VASN: variants seen among roughly 807,000 people sequenced by gnomAD.
VASN encodes the protein protein slit-like 2.
A neutral mutation model predicts 4.8 loss-of-function variants in VASN; 5 were observed. That is an observed-to-expected ratio of 1.03 (90% confidence interval 0.54 to 2.17). The LOEUF is 2.17. Ranked by LOEUF, VASN falls within the 30% of genes most tolerant of loss-of-function variation. The pLI, the probability that VASN is intolerant of heterozygous loss-of-function variation, is 0.01. For missense variants in VASN, 927 were observed against 948.8 expected (o/e 0.98, Z 0.30); for synonymous variants, 499 against 460.8 (o/e 1.08, Z -1.06).
chr16:4,376,786 G>A (rs1245301924), intron 1 of VASN, among the ~76,000 whole-genome samples: 5 of 152,106 alleles, frequency 3.3e-5, no homozygotes, highest in African/African-American at 9.7e-5. Flanking sequence ...CACCCACCAC[G>A]TGCCCCCTTC....
intron 1 of VASN, among the ~76,000 whole-genome samples, chr16:4,378,231 T>C (rs1015560242): frequency 6.6e-6 from 1 of 152,176 alleles, no homozygotes; most frequent in South Asian, 2.1e-4. Flanking sequence ...AAAGTCACTG[T>C]CTGCGGCCTC....
At chr16:4,379,435 C>T (rs1162161303) in intron 1 of VASN, among the ~76,000 whole-genome samples, 1 of 152,034 alleles carries the variant, frequency 6.6e-6, no homozygotes, top group Non-Finnish European at 1.5e-5. Context: ...GAGCCTGGAG[C>T]GGCTGGTGGG....
chr16:4,380,479 C>G (rs2054918087), intron 1 of VASN, among the ~76,000 whole-genome samples: 1 of 152,262 alleles, frequency 6.6e-6, no homozygotes, highest in African/African-American at 2.4e-5. Context: ...CTGCCTGCCC[C>G]CTCTTCCAGA....
chr16:4,374,091 G>A (rs1416711552), intron 1 of VASN, among the ~76,000 whole-genome samples: 2 of 151,718 alleles, frequency 1.3e-5, no homozygotes, highest in Non-Finnish European at 2.9e-5. Context: ...GTGCACGTGT[G>A]TGTGTGTGTG....
Position 4,381,730 on chromosome 16 carries a change from GGCCTCTTCCCCC to G in VASN, c.858_869del (p.Phe287_Leu290del), listed in dbSNP as rs1195387381. ...GCAGGCCCTGCCTGGCGACCTCTCG[GGCCTCTTCCCCC>G]GCCTGCGGCTGCTGGCAGCTGCCCG... is the stretch of plus-strand genomic sequence containing the variant. On this transcript the variant is annotated inframe_deletion, in exon 2 of 2. Coordinates refer to ENST00000304735, the MANE Select transcript of VASN (RefSeq NM_138440.3). 1 of 1,605,900 alleles carries G rather than the reference GGCCTCTTCCCCC, an allele frequency of 6.2e-7. No individual in the cohort carries two copies.
chr16:4,372,796 C>T (rs1342890012), intron 1 of VASN, among the ~76,000 whole-genome samples: 5 of 152,186 alleles, frequency 3.3e-5, no homozygotes, highest in South Asian at 2.1e-4. Context: ...GGTCACTGAC[C>T]GCCTCCCCTG....
chr16:4,379,784 T>G (rs2054883009), intron 1 of VASN, among the ~76,000 whole-genome samples: 1 of 150,968 alleles, frequency 6.6e-6, no homozygotes, highest in Non-Finnish European at 1.5e-5. Flanking sequence ...GGCTCATGCC[T>G]GTAATCCCAG....
Position 4,381,806 on chromosome 16 carries a change from G to A in VASN, c.929G>A (p.Gly310Asp). 6.2e-7 allele frequency: 1 copy of A among 1,600,408 alleles called. No homozygotes were observed. ...TGCGTGTGCCCCCTGAGCTGGTTTG[G>A]CCCCTGGGTGCGCGAGAGCCACGTC... is the stretch of plus-strand genomic sequence containing the variant. ...FNCVCPLSWF[G>D]PWVRESHVTL... is the part of the protein sequence containing the mutation. Residue 310 changes from glycine (G) to aspartate (D), a missense_variant, in exon 2 of 2, where the codon GGC becomes GAC. Transcript: ENST00000304735.
intron 1 of VASN, among the ~76,000 whole-genome samples, chr16:4,380,619 T>C (rs1160052997): frequency 1.3e-5 from 2 of 152,104 alleles, no homozygotes; most frequent in Admixed American, 6.5e-5. Context: ...AAGCAGTGCA[T>C]GGTCACTGCA....
chr16:4,381,469 C>A lies in VASN; in HGVS notation c.592C>A (p.Arg198=). Residue 198 remains arginine (R), a synonymous_variant, in exon 2 of 2, where the codon CGG becomes AGG. Transcript: ENST00000304735. The part of the protein sequence containing the change: ...ILDTANVEAL[R]LAGLGLQQLD... ...GGACACTGCCAACGTGGAGGCGCTG[C>A]GGCTGGCTGGTCTGGGGCTGCAGCA... 1 of 1,581,348 alleles carries A rather than the reference C, an allele frequency of 6.3e-7. No homozygotes were observed. Among genetic ancestry groups the A allele is most frequent in the Non-Finnish European group, 8.6e-7 (1 of 1,165,470 alleles).
chr16:4,373,187 G>T (rs1172843717), intron 1 of VASN, among the ~76,000 whole-genome samples: 1 of 152,148 alleles, frequency 6.6e-6, no homozygotes, highest in Non-Finnish European at 1.5e-5. Context: ...TCTTCTCCCA[G>T]GGGAGTTGGC....
At position 4,381,948 on chromosome 16, in the gene VASN, A is replaced by C; in HGVS notation, c.1071A>C (p.Thr357=). ...FGCPATTTTA[T]VPTTRPVVRE... ...GCCCAGCCACCACCACCACAGCCACAGTGCCCACCACGAGGCCCGTGGTGC... is the reference window on the plus strand; with the variant it reads ...GCCCAGCCACCACCACCACAGCCACCGTGCCCACCACGAGGCCCGTGGTGC... Residue 357 remains threonine (T), a synonymous_variant, in exon 2 of 2, where the codon ACA becomes ACC. Coordinates refer to ENST00000304735, the MANE Select transcript of VASN (RefSeq NM_138440.3). 6.2e-7 allele frequency: 1 copy of C among 1,608,490 alleles called. No homozygotes were observed. Among genetic ancestry groups the C allele is most frequent in the South Asian group, 1.1e-5 (1 of 90,702 alleles).
intron 1 of VASN, among the ~76,000 whole-genome samples, chr16:4,372,553 G>A (rs1159013102): frequency 2.0e-5 from 3 of 152,210 alleles, no homozygotes; most frequent in Non-Finnish European, 4.4e-5. Context: ...TACTGGCCAG[G>A]GCCCTTAGAG....
intron 1 of VASN, among the ~76,000 whole-genome samples, chr16:4,375,875 C>T (rs954585696): frequency 2.0e-5 from 3 of 152,170 alleles, no homozygotes; most frequent in Admixed American, 6.5e-5. Flanking sequence ...ATGTGCAGCC[C>T]GGCGGGCAAA....
Position 4,381,616 on chromosome 16 carries a change from G to A in VASN, c.739G>A (p.Ala247Thr). Residue 247 changes from alanine to threonine, a missense_variant, in exon 2 of 2, where the codon GCC becomes ACC. Coordinates refer to ENST00000304735, the MANE Select transcript of VASN (RefSeq NM_138440.3). Reference protein sequence around the residue: ...GLRGLTRLRLAGNTRIAQLRP... With the variant: ...GLRGLTRLRLTGNTRIAQLRP... ...CCGGGGCCTGACGCGCCTGCGGCTG[G>A]CCGGCAACACCCGCATTGCCCAGCT... 1 of 1,598,180 alleles carries A rather than the reference G, an allele frequency of 6.3e-7. No homozygotes were observed. The highest frequency in any genetic ancestry group is 8.5e-7 in the Non-Finnish European group (1 of 1,173,128).
At position 4,381,909 on chromosome 16, in the gene VASN, C is replaced by T. The variant is rs200909451; in HGVS notation, c.1032C>T (p.Tyr344=). 3.5e-5 allele frequency: 57 copies of T among 1,606,228 alleles called. 1 individual carries two copies. The East Asian group carries it at 8.7e-4, about 25-fold the overall frequency. ...NAGRLLLELD[Y]ADFGCPATTT... ...GCCGGCTGCTCCTGGAGCTTGACTA[C>T]GCCGACTTTGGCTGCCCAGCCACCA... Residue 344 remains tyrosine (Y), a synonymous_variant, in exon 2 of 2, where the codon TAC becomes TAT. Coordinates refer to ENST00000304735, the MANE Select transcript of VASN (RefSeq NM_138440.3).
chr16:4,373,088 A>G (rs1022939741), intron 1 of VASN, among the ~76,000 whole-genome samples: 2 of 152,092 alleles, frequency 1.3e-5, no homozygotes, highest in Non-Finnish European at 2.9e-5. Flanking sequence ...GGGGGCAGCA[A>G]AGTCCAGGAT....
chr16:4,382,201 G>A lies in VASN; in HGVS notation c.1324G>A (p.Glu442Lys), dbSNP rs776568704. ...CPEGFTGLYC[E>K]SQMGQGTRPS... ...CGAAGGCTTCACGGGCCTGTACTGTGAGAGCCAGATGGGGCAGGGGACACG... is the reference window on the plus strand; with the variant it reads ...CGAAGGCTTCACGGGCCTGTACTGTAAGAGCCAGATGGGGCAGGGGACACG... Residue 442 changes from glutamate to lysine, a missense_variant, in exon 2 of 2, where the codon GAG becomes AAG. Physicochemically the swap from Glu to Lys is moderately conservative, Grantham distance 56. Transcript: ENST00000304735. 3.6e-5 allele frequency: 57 copies of A among 1,602,696 alleles called. No homozygotes were observed. The highest frequency in any genetic ancestry group is 4.7e-5 in the Non-Finnish European group (55 of 1,176,460).
At position 4,383,172 on chromosome 16, in the gene VASN, C is replaced by T. The variant is rs1488816761; in HGVS notation, c.*273C>T. The T allele has an allele frequency of 9.7e-6, 4 of 413,088 alleles. No individual in the cohort carries two copies. The highest frequency in any genetic ancestry group is 8.1e-5 in the South Asian group (1 of 12,364). The allele number at this position is 413,088 out of a possible 1,614,324, so 25.6% of individuals were successfully genotyped here. On this transcript the variant is annotated 3_prime_UTR_variant, in exon 2 of 2. Transcript: ENST00000304735. Reference sequence around the variant, plus strand: ...CTCCGCAACGTGCAGTCCCTGGGCACGGCGGGCCCTGCCATGTGCTGGTAA... The same window carrying T: ...CTCCGCAACGTGCAGTCCCTGGGCATGGCGGGCCCTGCCATGTGCTGGTAA...
Sources: gnomAD v4.1 joint callset for allele counts (sites outside exome capture counted in the v4.1 genomes callset) on GRCh38, gnomAD v4.1.1 for gene constraint, MANE v1.5 for transcripts, NCBI Gene and HGNC (gene_info 2026-07-23, HGNC 2026-07-21) for gene names.